Variants in PDE1C observed in about 807,000 individuals in gnomAD.
The protein encoded by PDE1C is phosphodiesterase 1C.
PDE1C carries 62 observed loss-of-function variants against 93.1 expected under a neutral mutation model. The ratio of observed to expected loss-of-function variants is 0.67; its 90% CI spans 0.54 to 0.82. The LOEUF (loss-of-function observed/expected upper bound fraction) is 0.82, where lower values mean the gene tolerates loss of function less well. Among genes scored for constraint, PDE1C ranks in the 40% least tolerant of loss-of-function variants. The pLI is 0.00. For synonymous variants in PDE1C, 325 were observed against 310.1 expected (o/e 1.05, Z -0.50); for missense variants, 742 against 884.6 (o/e 0.84, Z 2.04).
intron 2 of PDE1C, among the ~76,000 whole-genome samples, chr7:32,016,912 T>C (rs1204166439): frequency 6.6e-6 from 1 of 152,200 alleles, no homozygotes; most frequent in Non-Finnish European, 1.5e-5. Context: ...AGGCACAGCA[T>C]GATGTCTAAA....
At chr7:32,197,673 G>A (rs1299585534) in intron 2 of PDE1C, among the ~76,000 whole-genome samples, 2 of 152,154 alleles carry the variant, frequency 1.3e-5, no homozygotes, top group Non-Finnish European at 2.9e-5. Context: ...AAGACATTAT[G>A]CTAAATCAAA....
chr7:32,027,551 G>A (rs1789605435), intron 2 of PDE1C, among the ~76,000 whole-genome samples: 3 of 125,530 alleles, frequency 2.4e-5, no homozygotes, highest in South Asian at 5.3e-4. Context: ...CAAATGGAAT[G>A]CCACTGCTTC....
rs541540570 is a variant in PDE1C, at chr7:31,800,860, C to T, written c.1891+8171G>A. Among the ~76,000 whole-genome samples the T allele has an allele frequency of 2.0e-5, 3 of 151,022 alleles. 1 individual carries two copies. The South Asian group carries it at 6.3e-4, about 31-fold the overall frequency. The stretch of plus-strand genomic sequence containing the variant: ...ACATGTCACCTGTCTCTGGAAAATC[C>T]CCAAATATTTGGAAATTAAACATTA... On this transcript the variant is annotated intron_variant, in intron 16 of 17. Transcript: ENST00000396191.
chr7:31,783,958 G>A (rs1016723259), intron 16 of PDE1C: 2 of 152,188 alleles, frequency 1.3e-5, no homozygotes, highest in African/African-American at 4.8e-5. Flanking sequence ...CCTTTTGGAA[G>A]AGCATTCTCA....
At chr7:32,283,675 A>G (rs1403583756) in intron 1 of PDE1C, among the ~76,000 whole-genome samples, 1 of 152,210 alleles carries the variant, frequency 6.6e-6, no homozygotes, top group Non-Finnish European at 1.5e-5. Flanking sequence ...TACAGCTGCT[A>G]TGACAACAAG....
chr7:32,190,241 T>C (rs1020968245), intron 2 of PDE1C, among the ~76,000 whole-genome samples: 7 of 152,216 alleles, frequency 4.6e-5, no homozygotes, highest in Non-Finnish European at 1.0e-4. Context: ...AAGAGGGAGT[T>C]GTTCATAGCT....
chr7:31,882,948 T>A (rs1250343516), intron 2 of PDE1C, among the ~76,000 whole-genome samples: 1 of 152,182 alleles, frequency 6.6e-6, no homozygotes, highest in African/African-American at 2.4e-5. Context: ...TACAATTTTT[T>A]AAAAGTAAAT....
intron 2 of PDE1C, 39 bp downstream of exon 2, chr7:32,051,515 A>G (rs1782175519): frequency 1.2e-6 from 2 of 1,607,248 alleles, no homozygotes; most frequent in Non-Finnish European, 8.5e-7. Flanking sequence ...CTGGGCCACA[A>G]ATGAATCAAC....
chr7:31,819,068 G>A, intron 14 of PDE1C, among the ~76,000 whole-genome samples: 1 of 152,064 alleles, frequency 6.6e-6, no homozygotes. Flanking sequence ...TGAATGAATG[G>A]TAGCCCTTCT....
At chr7:31,877,086 A>C (rs1023086893) in intron 5 of PDE1C, among the ~76,000 whole-genome samples, 1 of 152,216 alleles carries the variant, frequency 6.6e-6, no homozygotes, top group Non-Finnish European at 1.5e-5. Flanking sequence ...CAATGGCTTT[A>C]GCAAAGGTCA....
intron 2 of PDE1C, among the ~76,000 whole-genome samples, chr7:31,929,428 C>CCAAG (rs1382716975): frequency 6.6e-6 from 1 of 152,138 alleles, no homozygotes; most frequent in Non-Finnish European, 1.5e-5. Context: ...CAGCTCTGGA[C>CCAAG]CAAGCAGACC....
At chr7:32,078,167 G>T (rs982467597) in intron 3 of PDE1C, among the ~76,000 whole-genome samples, 1 of 152,186 alleles carries the variant, frequency 6.6e-6, no homozygotes, top group Non-Finnish European at 1.5e-5. Context: ...AAGCAAATTT[G>T]AATATGGAAA....
chr7:32,211,907 T>C (rs1049388476), intron 1 of PDE1C, among the ~76,000 whole-genome samples: 1 of 151,072 alleles, frequency 6.6e-6, no homozygotes, highest in African/African-American at 2.4e-5. Flanking sequence ...ATGCCTGTAA[T>C]GCCAGCTACT....
intron 1 of PDE1C, among the ~76,000 whole-genome samples, chr7:32,398,988 C>A (rs1487127420): frequency 6.6e-6 from 1 of 152,116 alleles, no homozygotes; most frequent in Non-Finnish European, 1.5e-5. Context: ...AAATAGTGAA[C>A]ACCCTTACCC....
intron 2 of PDE1C, among the ~76,000 whole-genome samples, chr7:31,988,683 G>A (rs1030422116): frequency 3.9e-5 from 6 of 152,234 alleles, no homozygotes; most frequent in Admixed American, 2.0e-4. Flanking sequence ...AACAGAGTGA[G>A]ACCCTGTCTC....
At chr7:31,821,159 C>T (rs1788916837) in intron 14 of PDE1C, among the ~76,000 whole-genome samples, 1 of 152,098 alleles carries the variant, frequency 6.6e-6, no homozygotes, top group Non-Finnish European at 1.5e-5. Flanking sequence ...TATAACACCT[C>T]CTTCAGGTCT....
At chr7:31,696,573 T>A in the PDE1C span, among the ~76,000 whole-genome samples, 4 of 152,212 alleles carry the variant, frequency 2.6e-5, no homozygotes, top group South Asian at 6.2e-4. Context: ...TTGCAATACA[T>A]CAGATGAAAT....
chr7:31,815,450 T>A (rs770375208), intron 15 of PDE1C, among the ~76,000 whole-genome samples: 18 of 152,128 alleles, frequency 1.2e-4, no homozygotes, highest in Non-Finnish European at 2.5e-4. Context: ...TGTCTCCCAG[T>A]CCCAGGTAAA....
intron 16 of PDE1C, chr7:31,788,625 T>C (rs763511393): frequency 9.2e-5 from 14 of 152,192 alleles, no homozygotes; most frequent in Non-Finnish European, 7.3e-5. Flanking sequence ...TTTACCACAA[T>C]GACTGTGATA....
Sources: gnomAD v4.1 joint callset for allele counts (sites outside exome capture counted in the v4.1 genomes callset) on GRCh38, gnomAD v4.1.1 for gene constraint, MANE v1.5 for transcripts, NCBI Gene and HGNC (gene_info 2026-07-23, HGNC 2026-07-21) for gene names.